The following ADAM12 variants were observed in gnomAD, a reference collection of about 807,000 sequenced individuals.
ADAM12 encodes disintegrin and metalloproteinase domain-containing protein 12.
In ADAM12, 70 loss-of-function variants were observed where a neutral mutation model predicts 106.4. That is an observed-to-expected ratio of 0.66 (90% confidence interval 0.54 to 0.80). ADAM12 has a LOEUF of 0.80. ADAM12 is among the 30% of genes least tolerant of loss of function. ADAM12 has a pLI of 0.00. For synonymous variants in ADAM12, 420 were observed against 433.5 expected (o/e 0.97, Z 0.39); for missense variants, 1,010 against 1,171.9 (o/e 0.86, Z 2.02).
At chr10:126,145,570 T>G (rs9422812) in intron 4 of ADAM12, 114,586 of 152,206 alleles carry the variant, frequency 0.75, 43,314 homozygotes, top group East Asian at 0.93. Flanking sequence ...TTCTGGGTAG[T>G]GTAGCCTTAG....
intron 2 of ADAM12, among the ~76,000 whole-genome samples, chr10:126,280,258 T>C (rs1349099862): frequency 6.6e-6 from 1 of 152,168 alleles, no homozygotes; most frequent in East Asian, 1.9e-4. Flanking sequence ...AAACATGACT[T>C]AACTAAGGCC....
intron 12 of ADAM12, among the ~76,000 whole-genome samples, chr10:126,068,237 G>A (rs1954913777): frequency 6.6e-6 from 1 of 152,162 alleles, no homozygotes; most frequent in African/African-American, 2.4e-5. Context: ...TTAAATCAGT[G>A]TCATCAAATG....
At chr10:126,186,947 G>C (rs2126744) in intron 3 of ADAM12, among the ~76,000 whole-genome samples, 35,540 of 152,072 alleles carry the variant, frequency 0.23, 8,925 homozygotes, top group African/African-American at 0.63. Context: ...GAGTCATCAT[G>C]AGCAAATATG....
At chr10:126,133,232 A>G (rs1956340395) in intron 5 of ADAM12, among the ~76,000 whole-genome samples, 1 of 151,766 alleles carries the variant, frequency 6.6e-6, no homozygotes, top group African/African-American at 2.4e-5. Flanking sequence ...CTAAATTGTC[A>G]CTTCCAAACT....
At chr10:126,204,598 A>G (rs1957762525) in intron 3 of ADAM12, among the ~76,000 whole-genome samples, 1 of 152,210 alleles carries the variant, frequency 6.6e-6, no homozygotes, top group African/African-American at 2.4e-5. Context: ...CGTTTAGTCT[A>G]TGAGTAACTC....
chr10:126,305,629 T>C (rs1302775857), intron 2 of ADAM12, among the ~76,000 whole-genome samples: 3 of 152,112 alleles, frequency 2.0e-5, no homozygotes, highest in African/African-American at 4.8e-5. Context: ...TTTTATCTTT[T>C]TATTGTTTTA....
intron 11 of ADAM12, among the ~76,000 whole-genome samples, chr10:126,082,602 C>T (rs931864315): frequency 6.6e-6 from 1 of 151,970 alleles, no homozygotes; most frequent in African/African-American, 2.4e-5. Context: ...AACTCCTGAC[C>T]TCGGGTGATC....
At chr10:126,329,539 A>G (rs1240756912) in intron 2 of ADAM12, among the ~76,000 whole-genome samples, 1 of 152,224 alleles carries the variant, frequency 6.6e-6, no homozygotes, top group Admixed American at 6.5e-5. Flanking sequence ...CTGTGAAACA[A>G]CAAAGTTAGA....
At chr10:126,195,768 A>G (rs1399366793) in intron 3 of ADAM12, among the ~76,000 whole-genome samples, 3 of 152,176 alleles carry the variant, frequency 2.0e-5, no homozygotes, top group Non-Finnish European at 2.9e-5. Flanking sequence ...CTTAGACACC[A>G]TTTTTAAATG....
At chr10:126,160,032 C>T (rs1956904721) in intron 3 of ADAM12, among the ~76,000 whole-genome samples, 1 of 152,136 alleles carries the variant, frequency 6.6e-6, no homozygotes, top group South Asian at 2.1e-4. Context: ...TTTTCTTATG[C>T]AGTCTGGAAA....
At chr10:126,382,416 A>G (rs1363565427) in intron 1 of ADAM12, among the ~76,000 whole-genome samples, 1 of 152,232 alleles carries the variant, frequency 6.6e-6, no homozygotes, top group Non-Finnish European at 1.5e-5. Context: ...CAAAAGGATT[A>G]AGTTTAAACA....
At chr10:126,251,620 A>ATG (rs1389848406) in intron 3 of ADAM12, among the ~76,000 whole-genome samples, 3 of 149,166 alleles carry the variant, frequency 2.0e-5, no homozygotes, top group Admixed American at 6.7e-5. Context: ...ATGCATGGAT[A>ATG]GATGAATGGA....
intron 3 of ADAM12, among the ~76,000 whole-genome samples, chr10:126,179,997 G>A (rs888538594): frequency 2.0e-5 from 3 of 152,054 alleles, no homozygotes; most frequent in Admixed American, 1.3e-4. Context: ...AAAACCCAAC[G>A]TATTCTTCAA....
chr10:126,159,084 C>T (rs1290933274), intron 3 of ADAM12, among the ~76,000 whole-genome samples: 5 of 152,022 alleles, frequency 3.3e-5, no homozygotes, highest in African/African-American at 9.7e-5. Context: ...CCAAGGCGGG[C>T]AGATCACGAG....
intron 2 of ADAM12, among the ~76,000 whole-genome samples, chr10:126,301,381 C>T (rs1960617447): frequency 6.6e-6 from 1 of 152,096 alleles, no homozygotes; most frequent in Non-Finnish European, 1.5e-5. Flanking sequence ...GAAAACTTGC[C>T]AAAATGTAAT....
At chr10:126,031,431 G>A (rs1160339717) in intron 21 of ADAM12, among the ~76,000 whole-genome samples, 3 of 152,196 alleles carry the variant, frequency 2.0e-5, no homozygotes, top group Admixed American at 6.5e-5. Context: ...CAGTTTGAAA[G>A]TTTGGACTTA....
rs965710815 is a variant in ADAM12, at chr10:126,038,629, G to C, written c.2241-280C>G. On this transcript the variant is annotated intron_variant, in intron 19 of 22. Coordinates refer to ENST00000448723, the MANE Select transcript of ADAM12 (RefSeq NM_001288973.2). ...ATTTGTATGAAGCTGGCATTTCAGC[G>C]ATAATGTCTTTGAATATATTTGGAT... 3.3e-5 allele frequency among the ~76,000 whole-genome samples: 5 copies of C among 152,178 alleles called. No homozygotes were observed. The South Asian group carries it at 1.0e-3, about 32-fold the overall frequency.
intron 1 of ADAM12, among the ~76,000 whole-genome samples, chr10:126,337,259 A>T (rs1277702135): frequency 6.6e-6 from 1 of 152,182 alleles, no homozygotes; most frequent in East Asian, 1.9e-4. Context: ...CCACTGATGT[A>T]AGTCCCACAG....
intron 12 of ADAM12, among the ~76,000 whole-genome samples, chr10:126,068,874 C>A (rs1313808602): frequency 6.6e-6 from 1 of 152,222 alleles, no homozygotes; most frequent in Non-Finnish European, 1.5e-5. Flanking sequence ...AGGTAGCAGA[C>A]ACAGATTCTT....
Sources: allele counts gnomAD v4.1 joint callset (sites outside exome capture counted in the v4.1 genomes callset), GRCh38; gene constraint gnomAD v4.1.1; transcripts MANE v1.5; gene names NCBI Gene and HGNC (gene_info 2026-07-23, HGNC 2026-07-21).